SKI: variants seen among roughly 807,000 people sequenced by gnomAD.
SKI encodes the protein ski oncogene.
In SKI, 23 loss-of-function variants were observed where a neutral mutation model predicts 59.3. The observed-to-expected ratio is 0.39, with a 90% CI of 0.28 to 0.55. The LOEUF is 0.55. Ranked by LOEUF, SKI falls within the 20% of genes least tolerant of loss-of-function variation. The pLI, the probability that SKI is intolerant of heterozygous loss-of-function variation, is 0.67. For missense variants in SKI, 1,017 were observed against 1,038.9 expected, an observed-to-expected ratio of 0.98 and a Z score of 0.29; for synonymous variants, 673 against 488.6, an observed-to-expected ratio of 1.38 and a Z score of -4.98.
chr1:2,250,168 A>G (rs188745267), intron 1 of SKI, among the ~76,000 whole-genome samples: 25 of 152,324 alleles, frequency 1.6e-4, no homozygotes, highest in African/African-American at 5.8e-4. Context: ...GGCCTCCCAA[A>G]GTGCTGGGAT....
chr1:2,242,595 C>G (rs1334546897), intron 1 of SKI, among the ~76,000 whole-genome samples: 1 of 152,224 alleles, frequency 6.6e-6, no homozygotes, highest in African/African-American at 2.4e-5. Context: ...TCCCAGCTCA[C>G]TGCAGCTTTG....
intron 1 of SKI, among the ~76,000 whole-genome samples, chr1:2,277,211 A>T (rs902251053): frequency 9.8e-5 from 15 of 152,310 alleles, no homozygotes; most frequent in Middle Eastern, 6.8e-3. Context: ...GTCATGCCTC[A>T]GCCTCCTGAA....
rs1639580241 is a variant in SKI at position 2,269,906 on chromosome 1, TG to T, written c.970-33069del. On this transcript the variant is annotated intron_variant, in intron 1 of 6. Transcript: ENST00000378536. The surrounding 1 kb of genome is among the most constrained non-coding windows in gnomAD (Gnocchi z 4.7). ...GGTCTCGTGGTGCCTGTGGCTGGCG[TG>T]GGTCTGGCGGGTCTGGTGGTGCCTG... Among the ~76,000 whole-genome samples the T allele has an allele frequency of 9.9e-6, 1 of 100,594 alleles. No individual in the cohort carries two copies. The highest frequency in any genetic ancestry group is 4.4e-5 in the African/African-American group (1 of 22,908). 66.0% of individuals were successfully genotyped at this position (100,594 alleles called of 152,430 possible).
chr1:2,285,164 C>T (rs538121983), intron 1 of SKI, among the ~76,000 whole-genome samples: 1 of 152,156 alleles, frequency 6.6e-6, no homozygotes, highest in South Asian at 2.1e-4. Flanking sequence ...TTTCCATCTG[C>T]CCTGACGTCA....
At chr1:2,284,706 G>A (rs763106589) in intron 1 of SKI, among the ~76,000 whole-genome samples, 1 of 152,194 alleles carries the variant, frequency 6.6e-6, no homozygotes, top group Non-Finnish European at 1.5e-5. Flanking sequence ...GCCCTCCCTG[G>A]CCCCTGGGTG....
intron 1 of SKI, among the ~76,000 whole-genome samples, chr1:2,271,596 T>G (rs1639622289): frequency 3.3e-5 from 5 of 152,148 alleles, no homozygotes; most frequent in Admixed American, 2.6e-4. Context: ...GACGCTCGCC[T>G]TTTGTGCTAC....
chr1:2,292,458 G>T (rs1640181310), intron 1 of SKI, among the ~76,000 whole-genome samples: 1 of 152,188 alleles, frequency 6.6e-6, no homozygotes, highest in African/African-American at 2.4e-5. Flanking sequence ...GGGCCAGGCT[G>T]GGGTCACACT....
intron 1 of SKI, among the ~76,000 whole-genome samples, chr1:2,294,458 A>G (rs1172602267): frequency 6.6e-6 from 1 of 152,204 alleles, no homozygotes; most frequent in Non-Finnish European, 1.5e-5. Context: ...TGTGGGGACC[A>G]GGGCAGGCCC....
chr1:2,240,612 T>C (rs1638849496), intron 1 of SKI: 8 of 985,456 alleles, frequency 8.1e-6, no homozygotes, highest in Non-Finnish European at 9.6e-6. Flanking sequence ...AGCAGAGTTC[T>C]CTTTAGCCCG....
chr1:2,288,526 T>C (rs1424439664), intron 1 of SKI, among the ~76,000 whole-genome samples: 1 of 152,236 alleles, frequency 6.6e-6, no homozygotes, highest in Non-Finnish European at 1.5e-5. Flanking sequence ...TGGGAGTGGC[T>C]CTTTTCAGAG....
At chr1:2,231,190 C>G (rs977524988) in intron 1 of SKI, among the ~76,000 whole-genome samples, 2 of 152,026 alleles carry the variant, frequency 1.3e-5, no homozygotes, top group African/African-American at 4.8e-5. Flanking sequence ...TGGCCGCACC[C>G]TCGTCAGTGC....
intron 1 of SKI, among the ~76,000 whole-genome samples, chr1:2,301,670 G>A (rs1640428570): frequency 6.6e-6 from 1 of 151,458 alleles, no homozygotes; most frequent in Non-Finnish European, 1.5e-5. Flanking sequence ...GCTGGTTCCT[G>A]ATGCAGCGTC....
chr1:2,285,027 G>A (rs1024470481), intron 1 of SKI, among the ~76,000 whole-genome samples: 4 of 152,318 alleles, frequency 2.6e-5, no homozygotes, highest in Middle Eastern at 3.4e-3. Context: ...TTATGATTTC[G>A]TGTTTGGGCC....
intron 1 of SKI, among the ~76,000 whole-genome samples, chr1:2,245,851 C>CA (rs1305626571): frequency 8.0e-6 from 1 of 124,680 alleles, no homozygotes; most frequent in Non-Finnish European, 1.6e-5. Context: ...GGCCAGAGTG[C>CA]GGTGGCACAG....
intron 1 of SKI, among the ~76,000 whole-genome samples, chr1:2,262,367 G>A (rs944390926): frequency 1.3e-4 from 19 of 148,764 alleles, no homozygotes; most frequent in African/African-American, 4.7e-4. Flanking sequence ...TTGGGTGGGA[G>A]TGGTGGGAGT....
At chr1:2,300,391 C>G (rs1223859087) in intron 1 of SKI, among the ~76,000 whole-genome samples, 1 of 151,738 alleles carries the variant, frequency 6.6e-6, no homozygotes, top group African/African-American at 2.4e-5. Context: ...GGTTTTGAAG[C>G]CCCAGGAAGG....
chr1:2,262,104 C>CTGATCTCT (rs1369373043), intron 1 of SKI, among the ~76,000 whole-genome samples: 3 of 140,494 alleles, frequency 2.1e-5, no homozygotes, highest in African/African-American at 5.5e-5. Flanking sequence ...ACCCTCGCTC[C>CTGATCTCT]TGATCTCCTG....
At position 2,229,350 on chromosome 1, in the gene SKI, A is replaced by T. The variant is rs1474048036; in HGVS notation, c.584A>T (p.Tyr195Phe). 2 of 1,595,914 alleles carry T rather than the reference A, an allele frequency of 1.3e-6. No homozygotes were observed. Among genetic ancestry groups the T allele is most frequent in the East Asian group, 4.5e-5 (2 of 43,998 alleles). Reference sequence around the variant, plus strand: ...AACGCGCTGCTCTACGGCGGCGCCTACCCGCCGCCCTGCAAGAAGGAGCTG... The same window carrying T: ...AACGCGCTGCTCTACGGCGGCGCCTTCCCGCCGCCCTGCAAGAAGGAGCTG... ...LCNALLYGGA[Y>F]PPPCKKELAA... is the part of the protein sequence containing the mutation. Residue 195 changes from tyrosine (Y) to phenylalanine (F), a missense_variant, in exon 1 of 7, where the codon TAC becomes TTC. Physicochemically the swap from Tyr to Phe is conservative, Grantham distance 22 (BLOSUM62 3). Transcript: ENST00000378536. This position sits in a 1 kb window ranked among gnomAD's most constrained non-coding sequence, Gnocchi z 6.3.
At chr1:2,231,857 G>A (rs1248038961) in intron 1 of SKI, among the ~76,000 whole-genome samples, 3 of 152,236 alleles carry the variant, frequency 2.0e-5, no homozygotes, top group African/African-American at 4.8e-5. Context: ...TGTTCTTGAC[G>A]TGGGATGGCG....
Sources: allele counts gnomAD v4.1 joint callset (sites outside exome capture counted in the v4.1 genomes callset), GRCh38; gene constraint gnomAD v4.1.1; non-coding constraint Gnocchi (gnomAD v3.1); transcripts MANE v1.5; gene names NCBI Gene and HGNC (gene_info 2026-07-23, HGNC 2026-07-21).